The following DMD variants were observed in gnomAD, a reference collection of about 807,000 sequenced individuals.
DMD encodes the protein dystrophin.
DMD carries 63 observed loss-of-function variants against 330.1 expected under a neutral mutation model. The ratio of observed to expected loss-of-function variants is 0.19; its 90% CI spans 0.16 to 0.24. The LOEUF (loss-of-function observed/expected upper bound fraction) is 0.24. DMD is among the 10% of genes least tolerant of loss of function. The pLI, the probability that DMD is intolerant of heterozygous loss-of-function variation, is 1.00. For missense variants in DMD, 3,344 were observed against 2,684.1 expected (o/e 1.25, Z -5.43); for synonymous variants, 1,223 against 959.8 (o/e 1.27, Z -5.07).
intron 51 of DMD, among the ~76,000 whole-genome samples, chrX:31,737,859 T>C (rs2086989400): frequency 1.8e-5 from 2 of 111,652 alleles, no homozygotes; most frequent in African/African-American, 6.5e-5. Flanking sequence ...AAGAGCATTA[T>C]AAGGGAAAGA....
chrX:31,978,829 A>G (rs2095456029), intron 44 of DMD, among the ~76,000 whole-genome samples: 1 of 111,003 alleles, frequency 9.0e-6, no homozygotes, highest in African/African-American at 3.3e-5. Flanking sequence ...ATCTTTTCTC[A>G]CTCTAGTGCC....
chrX:31,268,975 G>C (rs752497865), intron 62 of DMD, among the ~76,000 whole-genome samples: 2 of 111,330 alleles, frequency 1.8e-5, no homozygotes, highest in Non-Finnish European at 3.8e-5. Context: ...ATAATCTGTT[G>C]ACAAGAAAAA....
In DMD at chrX:31,289,733, C is replaced by G. The variant is rs73212316; in HGVS notation, c.9225-28717G>C. ...ATGGAAATCTATCCTACATATTTTACGATATTCTTTTAAAATTAAATGAAG... is the reference window on the plus strand; with the variant it reads ...ATGGAAATCTATCCTACATATTTTAGGATATTCTTTTAAAATTAAATGAAG... On this transcript the variant is annotated intron_variant, in intron 62 of 78. Transcript: ENST00000357033. Among the ~76,000 whole-genome samples, 567 of 110,647 alleles carry G rather than the reference C, an allele frequency of 5.1e-3. 2 individuals carry two copies. The highest frequency in any genetic ancestry group is 9.9e-3 in the South Asian group (26 of 2,635).
intron 60 of DMD, among the ~76,000 whole-genome samples, chrX:31,429,513 G>T (rs1243727356): frequency 8.9e-6 from 1 of 112,053 alleles, no homozygotes; most frequent in African/African-American, 3.2e-5. Context: ...GCTTAGATTT[G>T]TGGCTTCTTC....
chrX:32,619,769 A>G (rs769064421), intron 11 of DMD, among the ~76,000 whole-genome samples: 9 of 111,592 alleles, frequency 8.1e-5, no homozygotes, highest in Non-Finnish European at 1.7e-4. Flanking sequence ...TCGGGGGAAA[A>G]ATAATAAACG....
At chrX:31,185,786 T>A (rs7890898) in intron 67 of DMD, among the ~76,000 whole-genome samples, 4,911 of 109,150 alleles carry the variant, frequency 0.045, 284 homozygotes, top group African/African-American at 0.15. Context: ...TTTTTTTTTT[T>A]ACCACGTACT....
intron 20 of DMD, among the ~76,000 whole-genome samples, chrX:32,485,939 T>A (rs1353020892): frequency 9.2e-6 from 1 of 108,657 alleles, no homozygotes; most frequent in Non-Finnish European, 1.9e-5. Context: ...GAGATGGAGT[T>A]TCACTGTTGG....
intron 50 of DMD, among the ~76,000 whole-genome samples, chrX:31,779,207 GA>G (rs745816929): frequency 2.7e-5 from 3 of 111,943 alleles, no homozygotes; most frequent in Non-Finnish European, 5.6e-5. Flanking sequence ...AAAGAGTTAG[GA>G]TATATAAATT....
At chrX:32,213,155 G>A (rs765117794) in intron 44 of DMD, among the ~76,000 whole-genome samples, 2 of 112,142 alleles carry the variant, frequency 1.8e-5, no homozygotes, top group African/African-American at 3.2e-5. Flanking sequence ...GTGCTTCTGC[G>A]TGTGTTTGTT....
At chrX:31,798,940 T>G (rs972057454) in intron 50 of DMD, among the ~76,000 whole-genome samples, 1 of 111,486 alleles carries the variant, frequency 9.0e-6, no homozygotes, top group Non-Finnish European at 1.9e-5. Flanking sequence ...TGGAACAAGA[T>G]GACAGTTTAT....
At chrX:31,336,955 G>A (rs777365310) in intron 61 of DMD, among the ~76,000 whole-genome samples, 19 of 100,061 alleles carry the variant, frequency 1.9e-4, no homozygotes, top group Non-Finnish European at 3.0e-4. Flanking sequence ...ATGGAGTCTC[G>A]CCCTGTTGCC....
chrX:32,004,802 A>C (rs763852002), intron 44 of DMD, among the ~76,000 whole-genome samples: 164 of 111,825 alleles, frequency 1.5e-3, no homozygotes, highest in Non-Finnish European at 1.3e-3. Context: ...TGAAAAACAC[A>C]GTACCTTGAC....
intron 5 of DMD, among the ~76,000 whole-genome samples, chrX:32,821,146 T>C (rs890211063): frequency 2.7e-5 from 3 of 111,385 alleles, no homozygotes; most frequent in African/African-American, 9.8e-5. Context: ...CGCTTACTGT[T>C]GTGAAGTAGC....
rs908808230 is a variant in DMD, at chrX:32,776,679, T to TC, written c.649+32813dup. 4.8e-5 allele frequency among the ~76,000 whole-genome samples: 5 copies of TC among 103,776 alleles called. No individual in the cohort carries two copies. The Admixed American group carries it at 5.1e-4, about 11-fold the overall frequency. The allele number at this position is 103,776 out of a possible 115,157, so 90.1% of individuals were successfully genotyped here. On this transcript the variant is annotated intron_variant, in intron 7 of 78. Coordinates refer to ENST00000357033, the MANE Select transcript of DMD (RefSeq NM_004006.3). ...ATCCAATCACCTCCCACCAGGACCC[T>TC]CCCTCTACACGTGGGGATTACAATT... is the stretch of plus-strand genomic sequence containing the variant.
chrX:32,829,564 G>A (rs1181112666), intron 4 of DMD, among the ~76,000 whole-genome samples: 2 of 111,327 alleles, frequency 1.8e-5, no homozygotes, highest in African/African-American at 3.3e-5. Context: ...GCTCACTTTT[G>A]AATGGATTAT....
intron 57 of DMD, among the ~76,000 whole-genome samples, chrX:31,480,508 AC>A (rs1334008987): frequency 9.1e-6 from 1 of 109,790 alleles, no homozygotes; most frequent in Non-Finnish European, 1.9e-5. Flanking sequence ...TACTCTGCTT[AC>A]ATATAAAGCT....
chrX:33,163,618 C>CTATGTATCTATGTATCTA (rs754180697), intron 1 of DMD, among the ~76,000 whole-genome samples: 6 of 24,854 alleles, frequency 2.4e-4, no homozygotes, highest in African/African-American at 4.5e-4. Flanking sequence ...CTATATCTAT[C>CTATGTATCTATGTATCTA]TCTATCTATC....
Position 32,310,104 on chromosome X carries a change from A to C in DMD, c.6095T>G (p.Phe2032Cys), listed in dbSNP as rs1333270456. 8.3e-7 allele frequency: 1 copy of C among 1,207,430 alleles called. No individual in the cohort carries two copies. Among genetic ancestry groups the C allele is most frequent in the East Asian group, 3.0e-5 (1 of 33,663 alleles). The change falls in exon 42 of 79, where the codon TTT becomes TGT. Residue 2032 changes from phenylalanine to cysteine, a missense_variant. Physicochemically the swap from Phe to Cys is radical, Grantham distance 205. Coordinates refer to ENST00000357033, the MANE Select transcript of DMD (RefSeq NM_004006.3). ...DLCAKDFEDL[F>C]KQEESLKNIK... ...TACCTTCAGAGACTCCTCTTGCTTA[A>C]AGAGATCTTCAAAGTCCTTAGCACA...
At chrX:33,131,620 A>C (rs7878313) in intron 1 of DMD, among the ~76,000 whole-genome samples, 3,166 of 111,704 alleles carry the variant, frequency 0.028, 107 homozygotes, top group African/African-American at 0.096. Context: ...CTGCAGACAA[A>C]CTTACCATTC....
Sources: allele counts gnomAD v4.1 joint callset (sites outside exome capture counted in the v4.1 genomes callset), GRCh38; gene constraint gnomAD v4.1.1; transcripts MANE v1.5; gene names NCBI Gene and HGNC (gene_info 2026-07-23, HGNC 2026-07-21).